The following SAMD5 variants were observed in gnomAD, a reference collection of about 807,000 sequenced individuals.
The protein encoded by SAMD5 is sterile alpha motif domain-containing protein 5.
A neutral mutation model predicts 11.3 loss-of-function variants in SAMD5; 13 were observed. The observed-to-expected ratio is 1.15, with a 90% confidence interval of 0.75 to 1.83. SAMD5 has a LOEUF of 1.83. Ranked by LOEUF, SAMD5 falls within the 40% of genes most tolerant of loss-of-function variation. SAMD5 has a pLI of 0.00. For missense variants in SAMD5, 255 were observed against 239.1 expected (o/e 1.07, Z -0.44); for synonymous variants, 129 against 111.3 (o/e 1.16, Z -1.00).
chr6:147,736,723 G>T (rs1322105622), intron 1 of SAMD5, among the ~76,000 whole-genome samples: 2 of 152,030 alleles, frequency 1.3e-5, no homozygotes, highest in East Asian at 3.9e-4. Flanking sequence ...GAAAACCTAG[G>T]TATATTATAT....
chr6:147,556,433 A>G (rs1373712225), intron 1 of SAMD5, among the ~76,000 whole-genome samples: 3 of 152,248 alleles, frequency 2.0e-5, no homozygotes, highest in Non-Finnish European at 2.9e-5. Flanking sequence ...TATTTTAAAT[A>G]TTTCACAGTT....
chr6:147,612,769 T>G (rs1156955213), intron 1 of SAMD5, among the ~76,000 whole-genome samples: 1 of 152,232 alleles, frequency 6.6e-6, no homozygotes, highest in African/African-American at 2.4e-5. Context: ...ATTTATAAAC[T>G]CTATTGAGTT....
At chr6:147,941,434 C>G in the SAMD5 span, among the ~76,000 whole-genome samples, 1 of 152,220 alleles carries the variant, frequency 6.6e-6, no homozygotes, top group Non-Finnish European at 1.5e-5. Flanking sequence ...ACTGGAATTC[C>G]AAACGTGCCT....
At chr6:147,791,481 C>A in the SAMD5 span, among the ~76,000 whole-genome samples, 1 of 151,938 alleles carries the variant, frequency 6.6e-6, no homozygotes, top group East Asian at 1.9e-4. Flanking sequence ...ACGTTTATAC[C>A]TTTCACTTTT....
At chr6:147,951,461 C>T in the SAMD5 span, among the ~76,000 whole-genome samples, 3 of 152,030 alleles carry the variant, frequency 2.0e-5, no homozygotes, top group Non-Finnish European at 2.9e-5. Flanking sequence ...TCTTTCATTT[C>T]TACCATCACA....
intron 1 of SAMD5, among the ~76,000 whole-genome samples, chr6:147,557,528 C>T (rs1278353787): frequency 6.6e-6 from 1 of 152,196 alleles, no homozygotes; most frequent in East Asian, 1.9e-4. Context: ...TGCACCACTC[C>T]ACTCTCTGCT....
At chr6:147,870,449 AGTGTGTGT>A in the SAMD5 span, among the ~76,000 whole-genome samples, 202 of 137,630 alleles carry the variant, frequency 1.5e-3, 2 homozygotes, top group South Asian at 0.011. Context: ...TGTGTGTGTG[AGTGTGTGT>A]GTGTGTGTGT....
chr6:147,604,201 T>C (rs1789664080), intron 1 of SAMD5, among the ~76,000 whole-genome samples: 1 of 116,768 alleles, frequency 8.6e-6, no homozygotes, highest in Admixed American at 1.0e-4. Context: ...TTTACATCAA[T>C]GTACTAACTT....
the SAMD5 span, among the ~76,000 whole-genome samples, chr6:147,914,148 G>C: frequency 7.3e-6 from 1 of 137,396 alleles, no homozygotes; most frequent in African/African-American, 2.8e-5. Context: ...TTATGAGATT[G>C]TTTTTGCGAC....
At chr6:147,537,627 A>G (rs994609636) in intron 1 of SAMD5, among the ~76,000 whole-genome samples, 7 of 151,842 alleles carry the variant, frequency 4.6e-5, no homozygotes, top group South Asian at 4.2e-4. Flanking sequence ...GGTGGCGGGC[A>G]CCTGTAGTCC....
At chr6:147,559,740 G>T (rs1258731101) in intron 1 of SAMD5, among the ~76,000 whole-genome samples, 1 of 152,148 alleles carries the variant, frequency 6.6e-6, no homozygotes, top group Non-Finnish European at 1.5e-5. Flanking sequence ...GATCATTCTA[G>T]AGTAGGCCAA....
At chr6:147,850,489 T>C in the SAMD5 span, among the ~76,000 whole-genome samples, 21 of 152,150 alleles carry the variant, frequency 1.4e-4, no homozygotes, top group Non-Finnish European at 3.1e-4. Flanking sequence ...CCAGGAGAAA[T>C]ACAGCAGTAA....
At chr6:147,665,518 C>T (rs1170497899) in intron 1 of SAMD5, among the ~76,000 whole-genome samples, 8 of 152,114 alleles carry the variant, frequency 5.3e-5, no homozygotes, top group Non-Finnish European at 1.0e-4. Flanking sequence ...ACCAGGCTGC[C>T]CACAGGTGCT....
intron 1 of SAMD5, among the ~76,000 whole-genome samples, chr6:147,579,393 T>C (rs927850580): frequency 7.9e-5 from 12 of 151,564 alleles, no homozygotes; most frequent in African/African-American, 2.4e-4. Context: ...CTTTGCAGTC[T>C]AGGCTGAGGA....
At chr6:147,798,991 C>T in the SAMD5 span, among the ~76,000 whole-genome samples, 328 of 152,266 alleles carry the variant, frequency 2.2e-3, 2 homozygotes, top group African/African-American at 7.2e-3. Context: ...TTCCTGAATA[C>T]AGCACACTGA....
At chr6:147,925,298 G>A in the SAMD5 span, among the ~76,000 whole-genome samples, 5 of 152,136 alleles carry the variant, frequency 3.3e-5, no homozygotes, top group Non-Finnish European at 4.4e-5. Flanking sequence ...GTTAAAAAGA[G>A]GATCCTTCCC....
At chr6:147,882,922 A>G in the SAMD5 span, among the ~76,000 whole-genome samples, 14 of 152,218 alleles carry the variant, frequency 9.2e-5, no homozygotes, top group African/African-American at 3.4e-4. Flanking sequence ...AGATCAAAAT[A>G]TATGGTTATT....
At chr6:147,907,502 T>C in the SAMD5 span, among the ~76,000 whole-genome samples, 1 of 152,232 alleles carries the variant, frequency 6.6e-6, no homozygotes, top group African/African-American at 2.4e-5. Flanking sequence ...ATATCTACCT[T>C]GGGAATATCT....
chr6:147,892,381 T>C, the SAMD5 span, among the ~76,000 whole-genome samples: 1 of 152,360 alleles, frequency 6.6e-6, no homozygotes, highest in African/African-American at 2.4e-5. Flanking sequence ...TTTCTTGCTT[T>C]ACTTTCTAGA....
Sources: allele counts gnomAD v4.1 joint callset (sites outside exome capture counted in the v4.1 genomes callset), GRCh38; gene constraint gnomAD v4.1.1; transcripts MANE v1.5; gene names NCBI Gene and HGNC (gene_info 2026-07-23, HGNC 2026-07-21).